ELSPBP1: variants seen among roughly 807,000 people sequenced by gnomAD.
The protein encoded by ELSPBP1 is epididymal sperm binding protein 1, also known as epididymal sperm-binding protein 1.
ELSPBP1 carries 38 observed loss-of-function variants against 33.3 expected under a neutral mutation model. That is an observed-to-expected ratio of 1.14 (90% CI 0.88 to 1.50). The LOEUF is 1.50. ELSPBP1 is among the 40% of genes most tolerant of loss of function. The probability of loss-of-function intolerance (pLI) is 0.00; values close to 1 mark genes in which losing one functional copy is unlikely to be tolerated. For missense variants in ELSPBP1, 267 were observed against 263.5 expected, an observed-to-expected ratio of 1.01 and a Z score of -0.09; for synonymous variants, 85 against 94.1, an observed-to-expected ratio of 0.90 and a Z score of 0.56.
In ELSPBP1 at chr19:48,015,843, TGTGAACGACTAGAG is replaced by T. The variant is rs781094972; in HGVS notation, c.209-48_209-35del. ...GATTGATGATTAAATGACTCTGTCC[TGTGAACGACTAGAG>T]GAAGTTAAGACACTCACGAACTCTG... On this transcript the variant is annotated intron_variant, in intron 3 of 6. Transcript: ENST00000339841. 1.4e-3 allele frequency: 2,197 copies of T among 1,546,736 alleles called. 6 individuals are homozygous for T. Among genetic ancestry groups the T allele is most frequent in the Non-Finnish European group, 1.8e-3 (2,003 of 1,128,300 alleles).
chr19:48,001,437 G>A (rs530001032), intron 1 of ELSPBP1, among the ~76,000 whole-genome samples: 25 of 151,270 alleles, frequency 1.7e-4, no homozygotes, highest in African/African-American at 5.8e-4. Context: ...TGATCCACCC[G>A]CCTCGGCATC....
At chr19:48,014,893 T>C (rs551413366) in intron 3 of ELSPBP1, among the ~76,000 whole-genome samples, 1 of 152,254 alleles carries the variant, frequency 6.6e-6, no homozygotes, top group East Asian at 1.9e-4. Flanking sequence ...GTTGACCCAA[T>C]AGAACCATCC....
At chr19:48,006,738 C>G (rs910214179) in intron 1 of ELSPBP1, among the ~76,000 whole-genome samples, 2 of 152,022 alleles carry the variant, frequency 1.3e-5, no homozygotes, top group Admixed American at 1.3e-4. Flanking sequence ...ATTCATCCTG[C>G]ATTGTCAGGT....
rs774025433 is a variant in ELSPBP1 at position 48,001,293 on chromosome 19, CCTGAGTAGCTGGGATTACAG to C, written c.-18+6502_-18+6521del. Among the ~76,000 whole-genome samples, 8 of 152,032 alleles carry C rather than the reference CCTGAGTAGCTGGGATTACAG, an allele frequency of 5.3e-5. No individual in the cohort carries two copies. In the South Asian group the frequency reaches 1.0e-3, roughly 20 times the overall value. On this transcript the variant is annotated intron_variant, in intron 1 of 6. Transcript: ENST00000339841. ...TCAAGAGATTCTCCTGCCTCAGCCT[CCTGAGTAGCTGGGATTACAG>C]CTGAGTAGCTGGGATTACACCACAC...
chr19:48,015,666 G>T lies in ELSPBP1; in HGVS notation c.209-227G>T, dbSNP rs370362200. On this transcript the variant is annotated intron_variant, in intron 3 of 6. Transcript: ENST00000339841. ...GAGTGAGACTCTGTCTCGAAAAAAA[G>T]AAAAGAAAAGAAAAGAAACTCACAT... is the stretch of plus-strand genomic sequence containing the variant. Among the ~76,000 whole-genome samples the T allele has an allele frequency of 3.9e-5, 6 of 152,098 alleles. No individual in the cohort carries two copies. The East Asian group carries it at 1.2e-3, about 29-fold the overall frequency.
chr19:48,018,490 A>G (rs904479886), intron 4 of ELSPBP1, among the ~76,000 whole-genome samples: 2 of 152,230 alleles, frequency 1.3e-5, no homozygotes, highest in African/African-American at 2.4e-5. Flanking sequence ...ACATTAGATC[A>G]TAGAAGTAAT....
At chr19:47,998,893 G>T (rs1443366321) in intron 1 of ELSPBP1, among the ~76,000 whole-genome samples, 1 of 151,894 alleles carries the variant, frequency 6.6e-6, no homozygotes. Flanking sequence ...TAAACACACC[G>T]CGCATGCTCA....
intron 5 of ELSPBP1, among the ~76,000 whole-genome samples, chr19:48,020,338 C>T (rs1025880439): frequency 6.6e-6 from 1 of 152,068 alleles, no homozygotes; most frequent in Admixed American, 6.5e-5. Context: ...AATAAGCAAA[C>T]AGTGAAATCA....
At chr19:48,023,529 G>GGGAAGTA in intron 6 of ELSPBP1, among the ~76,000 whole-genome samples, 1 of 106,812 alleles carries the variant, frequency 9.4e-6, no homozygotes, top group Non-Finnish European at 2.0e-5. Context: ...GGAAGGAAGG[G>GGGAAGTA]AGGAAGGAAA....
At chr19:48,007,235 A>G (rs1356454486) in intron 1 of ELSPBP1, among the ~76,000 whole-genome samples, 1 of 152,170 alleles carries the variant, frequency 6.6e-6, no homozygotes. Flanking sequence ...TGAGGAAACA[A>G]AGGCTCATAG....
At chr19:48,009,282 G>T (rs948326372) in intron 2 of ELSPBP1, among the ~76,000 whole-genome samples, 1 of 152,106 alleles carries the variant, frequency 6.6e-6, no homozygotes, top group Non-Finnish European at 1.5e-5. Flanking sequence ...TTTATCTCAC[G>T]GGGTTATTTT....
intron 6 of ELSPBP1, among the ~76,000 whole-genome samples, chr19:48,024,175 T>A (rs1419767116): frequency 6.6e-6 from 1 of 152,038 alleles, no homozygotes; most frequent in Admixed American, 6.6e-5. Flanking sequence ...TGAGTCACTG[T>A]ACCTGGCCTA....
intron 5 of ELSPBP1, 67 bp from the exon 6 acceptor site, chr19:48,022,103 G>A (rs1191161214): frequency 4.7e-5 from 69 of 1,469,694 alleles, no homozygotes; most frequent in Non-Finnish European, 6.2e-5. Flanking sequence ...TGGGCCTGAA[G>A]CCCACGCCTC....
At position 48,011,733 on chromosome 19, in the gene ELSPBP1, G is replaced by A. The variant is rs1201017740; in HGVS notation, c.71-2438G>A. Among the ~76,000 whole-genome samples the A allele has an allele frequency of 6.6e-6, 1 of 151,950 alleles. No homozygotes were observed. Among genetic ancestry groups the A allele is most frequent in the Non-Finnish European group, 1.5e-5 (1 of 67,968 alleles). ...CAATGATGATGAGCATTATGATGATGCCAATGACAATAGCGTGGAGAATGA... is the reference window on the plus strand; with the variant it reads ...CAATGATGATGAGCATTATGATGATACCAATGACAATAGCGTGGAGAATGA... On this transcript the variant is annotated intron_variant, in intron 2 of 6. Coordinates refer to ENST00000339841, the MANE Select transcript of ELSPBP1 (RefSeq NM_022142.5). This position sits in a 1 kb window ranked among gnomAD's most constrained non-coding sequence, Gnocchi z 4.5.
rs1056537165 is a variant in ELSPBP1 at position 48,011,061 on chromosome 19, T to C, written c.70+2324T>C. 4.6e-5 allele frequency among the ~76,000 whole-genome samples: 7 copies of C among 151,974 alleles called. No individual in the cohort carries two copies. Among genetic ancestry groups the C allele is most frequent in the Admixed American group, 3.3e-4 (5 of 15,250 alleles). On this transcript the variant is annotated intron_variant, in intron 2 of 6. Transcript: ENST00000339841. This position sits in a 1 kb window ranked among gnomAD's most constrained non-coding sequence, Gnocchi z 4.5. ...GAGGATGATGATGATATGACGATGA[T>C]GACAATGATGACGGTAATGATGACA...
At chr19:48,023,174 G>A (rs1179290978) in intron 6 of ELSPBP1, among the ~76,000 whole-genome samples, 2 of 140,948 alleles carry the variant, frequency 1.4e-5, no homozygotes, top group East Asian at 4.3e-4. Context: ...AAGGAGGAAG[G>A]GAGGGAAGAA....
At chr19:48,013,434 A>G (rs1288809815) in intron 2 of ELSPBP1, among the ~76,000 whole-genome samples, 1 of 152,186 alleles carries the variant, frequency 6.6e-6, no homozygotes, top group African/African-American at 2.4e-5. Flanking sequence ...AAAATACCAC[A>G]GGCCAGGCAT....
At position 48,003,033 on chromosome 19, in the gene ELSPBP1, T is replaced by C. The variant is rs556933592; in HGVS notation, c.-17-5618T>C. 5.9e-5 allele frequency among the ~76,000 whole-genome samples: 9 copies of C among 152,118 alleles called. No homozygotes were observed. The East Asian group carries it at 1.5e-3, about 26-fold the overall frequency. ...CCGACCAGCCAAGAAACAGCAGCGG[T>C]GGCAGGATGCTGGTCCCAACCACCC... On this transcript the variant is annotated intron_variant, in intron 1 of 6. Coordinates refer to ENST00000339841, the MANE Select transcript of ELSPBP1 (RefSeq NM_022142.5).
chr19:48,018,724 A>C (rs182089866), intron 4 of ELSPBP1, among the ~76,000 whole-genome samples: 1 of 152,154 alleles, frequency 6.6e-6, no homozygotes, highest in African/African-American at 2.4e-5. Flanking sequence ...CTTAATCACC[A>C]GTCATTACTG....
Sources: gnomAD v4.1 joint callset for allele counts (sites outside exome capture counted in the v4.1 genomes callset) on GRCh38, gnomAD v4.1.1 for gene constraint, Gnocchi (gnomAD v3.1) non-coding constraint, MANE v1.5 for transcripts, NCBI Gene and HGNC (gene_info 2026-07-23, HGNC 2026-07-21) for gene names.